Variants in NALF1 observed in about 807,000 individuals in gnomAD.
The protein encoded by NALF1 is NALCN channel auxiliary factor 1.
Under a neutral mutation model 48.4 loss-of-function variants are expected in NALF1, and 3 were observed. That is an observed-to-expected ratio of 0.06 (90% confidence interval 0.03 to 0.16). The LOEUF is 0.16. Ranked by LOEUF, NALF1 falls within the 10% of genes least tolerant of loss-of-function variation. The pLI is 1.00. For synonymous variants in NALF1, 262 were observed against 245.7 expected (o/e 1.07, Z -0.62); for missense variants, 526 against 571.5 (o/e 0.92, Z 0.81).
chr13:107,732,563 A>G (rs7329739), intron 1 of NALF1, among the ~76,000 whole-genome samples: 13,255 of 152,116 alleles, frequency 0.087, 912 homozygotes, highest in African/African-American at 0.19. Flanking sequence ...GTTGTTGAAT[A>G]TTTCTCATTT....
chr13:107,253,787 T>A (rs931360660), intron 1 of NALF1, among the ~76,000 whole-genome samples: 2 of 152,100 alleles, frequency 1.3e-5, no homozygotes, highest in Non-Finnish European at 2.9e-5. Context: ...CTTCACCTCA[T>A]CTGTTCCTCT....
At position 107,276,435 on chromosome 13, in the gene NALF1, G is replaced by A. The variant is rs146260952; in HGVS notation, c.916-65680C>T. Among the ~76,000 whole-genome samples, 25 of 152,142 alleles carry A rather than the reference G, an allele frequency of 1.6e-4. No individual in the cohort carries two copies. In the East Asian group the frequency reaches 4.4e-3, roughly 27 times the overall value. On this transcript the variant is annotated intron_variant, in intron 1 of 2. Coordinates refer to ENST00000375915, the MANE Select transcript of NALF1 (RefSeq NM_001080396.3). ...GTCCCAACAGGAAATAACAGATTAC[G>A]TAGTAGATGCCAATGAATCTAGCAT...
At chr13:107,507,594 T>TAAAA (rs548709767) in intron 1 of NALF1, among the ~76,000 whole-genome samples, 20 of 86,416 alleles carry the variant, frequency 2.3e-4, no homozygotes, top group African/African-American at 1.1e-3. Flanking sequence ...TATTCTCCAT[T>TAAAA]AAAAAAAAAA....
intron 1 of NALF1, among the ~76,000 whole-genome samples, chr13:107,281,491 A>G (rs529393130): frequency 6.6e-5 from 10 of 152,332 alleles, no homozygotes; most frequent in Non-Finnish European, 1.2e-4. Flanking sequence ...TGGTCCTGCT[A>G]TAGGCCTCAT....
intron 1 of NALF1, among the ~76,000 whole-genome samples, chr13:107,840,746 A>G (rs925541188): frequency 3.9e-5 from 6 of 152,106 alleles, no homozygotes; most frequent in African/African-American, 1.4e-4. Context: ...CCAACTTGAA[A>G]AGGTTTTCAG....
intron 1 of NALF1, among the ~76,000 whole-genome samples, chr13:107,215,729 A>G (rs6492041): frequency 0.82 from 125,029 of 152,052 alleles, 51,478 homozygotes; most frequent in East Asian, 0.86. Context: ...CCATATAGAC[A>G]GCTGGCAGGT....
intron 1 of NALF1, among the ~76,000 whole-genome samples, chr13:107,462,346 T>A (rs1884933297): frequency 6.6e-6 from 1 of 152,312 alleles, no homozygotes; most frequent in South Asian, 2.1e-4. Context: ...AATGAAATAA[T>A]CTAATTATCA....
At chr13:107,634,824 T>A (rs1879931100) in intron 1 of NALF1, among the ~76,000 whole-genome samples, 1 of 152,102 alleles carries the variant, frequency 6.6e-6, no homozygotes, top group African/African-American at 2.4e-5. Flanking sequence ...TCACATGCTA[T>A]AGCACTCTAC....
chr13:107,278,786 A>G (rs1432998201), intron 1 of NALF1, among the ~76,000 whole-genome samples: 1 of 152,236 alleles, frequency 6.6e-6, no homozygotes, highest in East Asian at 1.9e-4. Context: ...CTTAAAGAAT[A>G]TGCTAGAAGA....
chr13:107,705,483 T>C (rs1881925923), intron 1 of NALF1, among the ~76,000 whole-genome samples: 3 of 146,234 alleles, frequency 2.1e-5, no homozygotes, highest in Admixed American at 7.1e-5. Context: ...CTGCAAAAGG[T>C]TCATATGCTA....
chr13:107,265,522 C>A (rs1881021578), intron 1 of NALF1, among the ~76,000 whole-genome samples: 1 of 152,060 alleles, frequency 6.6e-6, no homozygotes, highest in Non-Finnish European at 1.5e-5. Flanking sequence ...CAGGTTCAAG[C>A]AATTTTCCTG....
intron 1 of NALF1, among the ~76,000 whole-genome samples, chr13:107,574,211 T>C (rs894313684): frequency 6.6e-6 from 1 of 152,186 alleles, no homozygotes; most frequent in Non-Finnish European, 1.5e-5. Flanking sequence ...GGAGTTTCTG[T>C]TTTATGCATC....
chr13:107,769,731 A>T (rs542111310), intron 1 of NALF1, among the ~76,000 whole-genome samples: 43 of 152,086 alleles, frequency 2.8e-4, no homozygotes, highest in African/African-American at 1.0e-3. Context: ...TTTTAGTCCT[A>T]AAAAAACGGT....
chr13:107,475,414 C>T lies in NALF1; in HGVS notation c.916-264659G>A, dbSNP rs559598582. On this transcript the variant is annotated intron_variant, in intron 1 of 2. Transcript: ENST00000375915. ...TCTACTACTCTTGAAATCAGCTGAA[C>T]TTAGATGTCATTTATCCACAAATTG... Among the ~76,000 whole-genome samples, 9 of 152,244 alleles carry T rather than the reference C, an allele frequency of 5.9e-5. No individual in the cohort carries two copies. In the East Asian group the frequency reaches 1.7e-3, roughly 29 times the overall value.
chr13:107,322,406 G>A (rs56259028), intron 1 of NALF1, among the ~76,000 whole-genome samples: 4 of 152,068 alleles, frequency 2.6e-5, no homozygotes, highest in Non-Finnish European at 5.9e-5. Context: ...TTAGATTCTC[G>A]TGATGACTTA....
intron 2 of NALF1, among the ~76,000 whole-genome samples, chr13:107,199,356 T>G (rs2138792184): frequency 6.6e-6 from 1 of 152,314 alleles, no homozygotes; most frequent in Non-Finnish European, 1.5e-5. Context: ...AATTCATTTT[T>G]GTTGCTGAAG....
intron 1 of NALF1, among the ~76,000 whole-genome samples, chr13:107,594,203 T>C (rs1594148427): frequency 1.3e-5 from 2 of 152,068 alleles, no homozygotes; most frequent in Admixed American, 1.3e-4. Context: ...GTCTGCGTTG[T>C]CATCCGTAGC....
intron 1 of NALF1, among the ~76,000 whole-genome samples, chr13:107,723,096 T>C (rs567420339): frequency 6.6e-6 from 1 of 152,360 alleles, no homozygotes; most frequent in East Asian, 1.9e-4. Context: ...TGATTAATTA[T>C]TGCCTTCATT....
intron 1 of NALF1, among the ~76,000 whole-genome samples, chr13:107,587,764 T>G (rs1230629671): frequency 1.3e-5 from 2 of 152,118 alleles, no homozygotes; most frequent in African/African-American, 4.8e-5. Flanking sequence ...TAACTTATTA[T>G]TTTTTTATTA....
Sources: gnomAD v4.1 joint callset for allele counts (sites outside exome capture counted in the v4.1 genomes callset) on GRCh38, gnomAD v4.1.1 for gene constraint, MANE v1.5 for transcripts, NCBI Gene and HGNC (gene_info 2026-07-23, HGNC 2026-07-21) for gene names.